The following ABCC4 variants were observed in gnomAD, a reference collection of about 807,000 sequenced individuals.
The protein encoded by ABCC4 is ATP-binding cassette sub-family C member 4.
A neutral mutation model predicts 168.5 loss-of-function variants in ABCC4; 102 were observed. The ratio of observed to expected loss-of-function variants is 0.61; its 90% CI spans 0.52 to 0.71. The LOEUF is 0.71. ABCC4 is among the 30% of genes least tolerant of loss of function. The pLI is 0.00. For missense variants in ABCC4, 1,402 were observed against 1,605.8 expected (o/e 0.87, Z 2.17); for synonymous variants, 617 against 590.7 (o/e 1.04, Z -0.65).
chr13:95,244,990 G>A (rs1328415569), intron 3 of ABCC4, among the ~76,000 whole-genome samples: 2 of 152,108 alleles, frequency 1.3e-5, no homozygotes, highest in African/African-American at 4.8e-5. Flanking sequence ...CAGCAGTAAA[G>A]ATTACCATGC....
rs369886292 is a variant in ABCC4 at position 95,082,481 on chromosome 13, AGT to A, written c.2686+657_2686+658del. Among the ~76,000 whole-genome samples the A allele has an allele frequency of 4.5e-4, 69 of 152,322 alleles. 1 individual carries two copies. Among genetic ancestry groups the A allele is most frequent in the South Asian group, 1.0e-3 (5 of 4,816 alleles). Reference sequence around the variant, plus strand: ...CTTGTGATCTAAGGGGATTATTTTCAGTGTCCATATATATATAAACAGCCTGA... The same window carrying A: ...CTTGTGATCTAAGGGGATTATTTTCAGTCCATATATATATAAACAGCCTGA... On this transcript the variant is annotated intron_variant, in intron 21 of 30. Transcript: ENST00000645237.
chr13:95,198,014 G>T (rs2038509094), intron 8 of ABCC4, among the ~76,000 whole-genome samples: 1 of 152,072 alleles, frequency 6.6e-6, no homozygotes, highest in South Asian at 2.1e-4. Flanking sequence ...AACCCTAGAA[G>T]AAAGCCTAGG....
intron 8 of ABCC4, among the ~76,000 whole-genome samples, chr13:95,196,671 A>C (rs1321237388): frequency 2.3e-5 from 1 of 43,312 alleles, no homozygotes; most frequent in African/African-American, 9.0e-5. Context: ...GAAGGAAGGA[A>C]GGAAGGAAGG....
At chr13:95,089,478 C>T (rs1312823151) in intron 20 of ABCC4, among the ~76,000 whole-genome samples, 4 of 151,972 alleles carry the variant, frequency 2.6e-5, no homozygotes, top group African/African-American at 7.3e-5. Context: ...TTTAGCTAGG[C>T]GTGGTCACGG....
intron 18 of ABCC4, among the ~76,000 whole-genome samples, chr13:95,162,276 T>C (rs1311197886): frequency 2.0e-5 from 3 of 152,194 alleles, no homozygotes; most frequent in African/African-American, 4.8e-5. Flanking sequence ...TTAGATTTCT[T>C]AGCAAGCGAT....
intron 19 of ABCC4, among the ~76,000 whole-genome samples, chr13:95,157,398 A>T (rs72643623): frequency 0.045 from 6,807 of 151,906 alleles, 216 homozygotes; most frequent in Middle Eastern, 0.13. Context: ...CAGGAGATAG[A>T]CACATGAGAA....
chr13:95,194,217 T>C (rs1335468637), intron 9 of ABCC4, among the ~76,000 whole-genome samples: 1 of 152,204 alleles, frequency 6.6e-6, no homozygotes, highest in Non-Finnish European at 1.5e-5. Context: ...CCTTGTGGCC[T>C]TGCCAGAACT....
chr13:95,111,318 A>AGG (rs1424261619), intron 20 of ABCC4, among the ~76,000 whole-genome samples: 25 of 152,222 alleles, frequency 1.6e-4, no homozygotes, highest in African/African-American at 6.0e-4. Context: ...AACTCTTTAT[A>AGG]AGCCAGATGT....
chr13:95,051,062 A>C (rs2032810143), intron 27 of ABCC4, among the ~76,000 whole-genome samples: 1 of 152,184 alleles, frequency 6.6e-6, no homozygotes, highest in South Asian at 2.1e-4. Context: ...AACTGTACCC[A>C]CCTCTTCTCT....
intron 11 of ABCC4, among the ~76,000 whole-genome samples, chr13:95,183,118 T>A (rs923481992): frequency 6.8e-6 from 1 of 148,118 alleles, no homozygotes; most frequent in African/African-American, 2.5e-5. Flanking sequence ...AGGAGGGGAA[T>A]GAGGAACTAT....
At chr13:95,125,358 T>C (rs927692160) in intron 19 of ABCC4, among the ~76,000 whole-genome samples, 2 of 152,208 alleles carry the variant, frequency 1.3e-5, no homozygotes, top group African/African-American at 4.8e-5. Context: ...CCTCTTCTGA[T>C]AGGCTACTGC....
intron 30 of ABCC4, among the ~76,000 whole-genome samples, chr13:95,025,191 ACACCACACAC>A (rs2031355495): frequency 2.0e-5 from 2 of 101,630 alleles, no homozygotes; most frequent in South Asian, 3.4e-4. Context: ...ACACACACCC[ACACCACACAC>A]CCCCACACCC....
chr13:95,277,670 C>A (rs1052914443), intron 1 of ABCC4, among the ~76,000 whole-genome samples: 4 of 151,918 alleles, frequency 2.6e-5, no homozygotes, highest in South Asian at 2.1e-4. Context: ...CAGAGTTTCC[C>A]AGGAGGACAA....
intron 21 of ABCC4, among the ~76,000 whole-genome samples, chr13:95,080,784 T>G (rs1255165911): frequency 6.6e-6 from 1 of 152,078 alleles, no homozygotes; most frequent in Non-Finnish European, 1.5e-5. Context: ...AGATTTGTTA[T>G]TAAGATTCAT....
intron 19 of ABCC4, among the ~76,000 whole-genome samples, chr13:95,121,434 T>TG (rs1388325660): frequency 7.3e-5 from 11 of 150,906 alleles, no homozygotes; most frequent in Non-Finnish European, 1.5e-5. Context: ...TTTTTTTGTT[T>TG]TTTTTTTTTT....
intron 26 of ABCC4, among the ~76,000 whole-genome samples, chr13:95,058,576 A>G (rs7319454): frequency 0.046 from 3,156 of 68,128 alleles, 136 homozygotes; most frequent in African/African-American, 0.14. Flanking sequence ...TCAAAAAAAA[A>G]AAAAAAAAAA....
intron 4 of ABCC4, among the ~76,000 whole-genome samples, chr13:95,211,865 T>G (rs995122471): frequency 6.6e-6 from 1 of 151,880 alleles, no homozygotes; most frequent in Non-Finnish European, 1.5e-5. Context: ...AAGGGCCAGA[T>G]AGAAGTGAAA....
chr13:95,092,368 C>T (rs1223196841), intron 20 of ABCC4, among the ~76,000 whole-genome samples: 2 of 152,032 alleles, frequency 1.3e-5, no homozygotes, highest in East Asian at 3.9e-4. Flanking sequence ...ACATTCTATT[C>T]GACAGTGCAT....
intron 9 of ABCC4, among the ~76,000 whole-genome samples, chr13:95,189,372 C>T (rs12866684): frequency 8.6e-5 from 13 of 151,436 alleles, no homozygotes; most frequent in Admixed American, 2.0e-4. Context: ...CCGCCCGCCT[C>T]GGCCTCCCAA....
Sources: gnomAD v4.1 joint callset for allele counts (sites outside exome capture counted in the v4.1 genomes callset) on GRCh38, gnomAD v4.1.1 for gene constraint, MANE v1.5 for transcripts, NCBI Gene and HGNC (gene_info 2026-07-23, HGNC 2026-07-21) for gene names.